Variants in PLXNA2 observed in about 807,000 individuals in gnomAD.
PLXNA2 encodes the protein plexin-A2.
Under a neutral mutation model 193.5 loss-of-function variants are expected in PLXNA2, and 91 were observed. The observed-to-expected ratio is 0.47, with a 90% confidence interval of 0.40 to 0.56. PLXNA2 has a LOEUF of 0.56. PLXNA2 is among the 20% of genes least tolerant of loss of function. The pLI is 0.00. For synonymous variants in PLXNA2, 997 were observed against 1,027.3 expected (o/e 0.97, Z 0.56); for missense variants, 1,995 against 2,503.2 (o/e 0.80, Z 4.33).
At chr1:208,193,863 C>A (rs1215731805) in intron 3 of PLXNA2, among the ~76,000 whole-genome samples, 1 of 151,802 alleles carries the variant, frequency 6.6e-6, no homozygotes, top group Non-Finnish European at 1.5e-5. Flanking sequence ...CACAACTGTA[C>A]TGCAGCTGGG....
intron 1 of PLXNA2, among the ~76,000 whole-genome samples, chr1:208,239,942 G>C (rs961568394): frequency 2.0e-5 from 3 of 152,188 alleles, no homozygotes; most frequent in Admixed American, 6.5e-5. Context: ...GTTAAGCTGG[G>C]GTGAAGGGGG....
chr1:208,074,657 T>C (rs1379421408), intron 12 of PLXNA2, among the ~76,000 whole-genome samples: 2 of 152,206 alleles, frequency 1.3e-5, no homozygotes, highest in African/African-American at 4.8e-5. Context: ...CCCACTTCTT[T>C]TTCTAACGTA....
chr1:208,225,267 T>C (rs1423810574), intron 1 of PLXNA2, among the ~76,000 whole-genome samples: 1 of 152,178 alleles, frequency 6.6e-6, no homozygotes, highest in African/African-American at 2.4e-5. Context: ...CCTCAGAATG[T>C]GTTCTTATTT....
intron 28 of PLXNA2, chr1:208,032,005 CA>C: frequency 1.0e-6 from 1 of 985,302 alleles, no homozygotes; most frequent in East Asian, 1.1e-4. Context: ...ACATTCCACA[CA>C]GGGTGTAGGC....
intron 3 of PLXNA2, among the ~76,000 whole-genome samples, chr1:208,150,106 A>C (rs1007406544): frequency 1.3e-5 from 2 of 152,090 alleles, no homozygotes; most frequent in Non-Finnish European, 2.9e-5. Context: ...GGAAGAAGGG[A>C]AACAGGGATA....
chr1:208,174,106 G>A (rs1243368935), intron 3 of PLXNA2, among the ~76,000 whole-genome samples: 1 of 152,254 alleles, frequency 6.6e-6, no homozygotes, highest in Non-Finnish European at 1.5e-5. Flanking sequence ...ATTTGGATCA[G>A]AGGTAGAATC....
chr1:208,237,790 A>G (rs1671915059), intron 1 of PLXNA2, among the ~76,000 whole-genome samples: 1 of 152,154 alleles, frequency 6.6e-6, no homozygotes, highest in Admixed American at 6.5e-5. Context: ...TCTGCCTTTT[A>G]CTAAAGGTAT....
At chr1:208,036,589 C>T (rs986848880) in intron 26 of PLXNA2, among the ~76,000 whole-genome samples, 13 of 152,176 alleles carry the variant, frequency 8.5e-5, no homozygotes, top group African/African-American at 2.7e-4. Flanking sequence ...CCAGTGAGCA[C>T]GCAGTAAGTG....
rs145451511 is a variant in PLXNA2, at chr1:208,177,502, C to T, written c.1371+32778G>A. On this transcript the variant is annotated intron_variant, in intron 3 of 31. Transcript: ENST00000367033. ...CATGCAAAGCTCTAGGACAGTGGCA[C>T]TTAGCACTAAATGAGTGTTTACTAT... 6.6e-5 allele frequency among the ~76,000 whole-genome samples: 10 copies of T among 152,302 alleles called. 1 individual carries two copies. Among genetic ancestry groups the T allele is most frequent in the African/African-American group, 2.4e-4 (10 of 41,566 alleles).
chr1:208,210,667 T>C (rs991816136), intron 2 of PLXNA2, among the ~76,000 whole-genome samples: 1 of 152,196 alleles, frequency 6.6e-6, no homozygotes, highest in African/African-American at 2.4e-5. Flanking sequence ...TGAAGCCAGA[T>C]GAAAGAACAG....
intron 9 of PLXNA2, among the ~76,000 whole-genome samples, chr1:208,090,209 G>A (rs1054424860): frequency 6.6e-6 from 1 of 152,110 alleles, no homozygotes; most frequent in Non-Finnish European, 1.5e-5. Context: ...GCCATGCCAG[G>A]GACCAATGCA....
intron 4 of PLXNA2, among the ~76,000 whole-genome samples, chr1:208,124,923 G>T (rs1172853724): frequency 6.6e-6 from 1 of 152,132 alleles, no homozygotes; most frequent in East Asian, 1.9e-4. Context: ...GCTAGAGAAC[G>T]AGGGCAGAAG....
intron 29 of PLXNA2, chr1:208,030,736 C>T (rs3811384): frequency 0.54 from 532,261 of 985,222 alleles, 146,383 homozygotes; most frequent in Non-Finnish European, 0.57. Flanking sequence ...CAGACAGCTG[C>T]GTGGGCTGCC....
chr1:208,060,806 C>T lies in PLXNA2; in HGVS notation c.2618G>A (p.Gly873Glu). The T allele has an allele frequency of 6.2e-7, 1 of 1,614,046 alleles. No homozygotes were observed. The highest frequency in any genetic ancestry group is 8.5e-7 in the Non-Finnish European group (1 of 1,179,998). Reference sequence around the variant, plus strand: ...CACGCCATGGATGGTCACTCGCGTCCCTCCTTCCGGCGGTCCAGACACCGT... The same window carrying T: ...CACGCCATGGATGGTCACTCGCGTCTCTCCTTCCGGCGGTCCAGACACCGT... ...ILTVSGPPEG[G>E]TRVTIHGVNL... is the part of the protein sequence containing the mutation. The change falls in exon 13 of 32, where the codon GGG (glycine) becomes GAG (glutamate). Residue 873 changes from glycine (G) to glutamate (E), a missense_variant. Transcript: ENST00000367033.
chr1:208,095,110 G>C (rs1571909282), intron 8 of PLXNA2, among the ~76,000 whole-genome samples: 1 of 152,302 alleles, frequency 6.6e-6, no homozygotes, highest in African/African-American at 2.4e-5. Context: ...TGGAGCTGTT[G>C]ATTGACCTCT....
chr1:208,244,298 CCGCGGT>C lies in PLXNA2; in HGVS notation c.-742_-737del, dbSNP rs1486323477. 21 of 132,576 alleles carry C rather than the reference CCGCGGT, an allele frequency of 1.6e-4. 1 individual carries two copies. Among genetic ancestry groups the C allele is most frequent in the South Asian group, 1.1e-3 (12 of 10,862 alleles). 8.2% of individuals were successfully genotyped at this position (132,576 alleles called of 1,614,324 possible). On this transcript the variant is annotated 5_prime_UTR_variant, in exon 1 of 32. Transcript: ENST00000367033. ...CCGCTCCTCCCGGCAGCTCTGGCTC[CCGCGGT>C]GGCGGCGGCGGCGGCGGCGGCGGCG...
chr1:208,241,928 T>A (rs1672066893), intron 1 of PLXNA2, among the ~76,000 whole-genome samples: 1 of 152,186 alleles, frequency 6.6e-6, no homozygotes, highest in African/African-American at 2.4e-5. Context: ...CTTGGTTCCC[T>A]ACCCTTTCTC....
At chr1:208,209,448 A>C (rs1670853269) in intron 3 of PLXNA2, among the ~76,000 whole-genome samples, 1 of 152,212 alleles carries the variant, frequency 6.6e-6, no homozygotes, top group Non-Finnish European at 1.5e-5. Context: ...GAAAGGTGGC[A>C]GGAGGGTAAG....
Position 208,043,078 on chromosome 1 carries a change from C to G in PLXNA2, c.4000G>C (p.Val1334Leu). 1 of 1,613,782 alleles carries G rather than the reference C, an allele frequency of 6.2e-7. No individual in the cohort carries two copies. Among genetic ancestry groups the G allele is most frequent in the Non-Finnish European group, 8.5e-7 (1 of 1,180,024 alleles). ...GGCATTACCTCCAGCTCCCGCAGGACGGGGTGGTCCTCGATGCCCGGGAAC... is the reference window on the plus strand; with the variant it reads ...GGCATTACCTCCAGCTCCCGCAGGAGGGGGTGGTCCTCGATGCCCGGGAAC... ...VLFPGIEDHP[V>L]LRELEVQGNG... The change falls in exon 21 of 32, where the codon GTC becomes CTC. Residue 1334 changes from valine to leucine, a missense_variant. Physicochemically the swap from Val to Leu is conservative, Grantham distance 32. This residue lies in a region of PLXNA2 where 1,291 missense variants were observed against 1,673.6 expected (regional missense o/e 0.77). Transcript: ENST00000367033.
Sources: gnomAD v4.1 joint callset for allele counts (sites outside exome capture counted in the v4.1 genomes callset) on GRCh38, gnomAD v4.1.1 for gene constraint, gnomAD v4.1.1 regional missense constraint, MANE v1.5 for transcripts, NCBI Gene and HGNC (gene_info 2026-07-23, HGNC 2026-07-21) for gene names.